Variants in DMD observed in about 807,000 individuals in gnomAD.
DMD encodes dystrophin, also known as mutant dystrophin.
In DMD, 63 loss-of-function variants were observed where a neutral mutation model predicts 330.1. That is an observed-to-expected ratio of 0.19 (90% CI 0.16 to 0.24). The LOEUF (loss-of-function observed/expected upper bound fraction) is 0.24. Ranked by LOEUF, DMD falls within the 10% of genes least tolerant of loss-of-function variation. The pLI is 1.00. For synonymous variants in DMD, 1,223 were observed against 959.8 expected, an observed-to-expected ratio of 1.27 and a Z score of -5.07; for missense variants, 3,344 against 2,684.1, an observed-to-expected ratio of 1.25 and a Z score of -5.43.
intron 21 of DMD, among the ~76,000 whole-genome samples, chrX:32,474,208 TACACACACACAC>T (rs3045001): frequency 3.1e-4 from 13 of 41,285 alleles, no homozygotes; most frequent in African/African-American, 4.5e-4. Context: ...CATACATACA[TACACACACACAC>T]ACACACACAC....
chrX:32,848,478 T>C (rs2080871306), intron 3 of DMD, among the ~76,000 whole-genome samples: 1 of 111,831 alleles, frequency 8.9e-6, no homozygotes, highest in East Asian at 2.8e-4. Context: ...TTAAATCTGA[T>C]TTTCCCCCTT....
intron 1 of DMD, among the ~76,000 whole-genome samples, chrX:33,093,894 C>T (rs939469871): frequency 9.0e-6 from 1 of 111,057 alleles, no homozygotes; most frequent in Non-Finnish European, 1.9e-5. Context: ...ATCAATGAAA[C>T]TTCAATATAT....
chrX:31,655,170 T>C (rs2080704797), intron 54 of DMD, among the ~76,000 whole-genome samples: 2 of 111,738 alleles, frequency 1.8e-5, no homozygotes, highest in Admixed American at 1.9e-4. Context: ...CAGTAGAATA[T>C]AAATAATTCC....
chrX:31,311,238 G>A (rs932128346), intron 62 of DMD, among the ~76,000 whole-genome samples: 26 of 109,601 alleles, frequency 2.4e-4, no homozygotes, highest in South Asian at 8.1e-4. Flanking sequence ...AGGATGAGAC[G>A]ATCTGTTCTG....
intron 29 of DMD, among the ~76,000 whole-genome samples, chrX:32,433,774 T>A (rs1331935117): frequency 1.8e-5 from 2 of 112,182 alleles, no homozygotes; most frequent in Admixed American, 9.4e-5. Flanking sequence ...AAAGGGTACC[T>A]GAGCCTCTGT....
chrX:31,718,429 T>C (rs895842813), intron 52 of DMD, among the ~76,000 whole-genome samples: 3 of 111,071 alleles, frequency 2.7e-5, no homozygotes, highest in African/African-American at 9.8e-5. Flanking sequence ...TAGTTGATTG[T>C]TATGGACTGA....
chrX:32,930,689 T>A (rs1468393821), intron 2 of DMD, among the ~76,000 whole-genome samples: 1 of 110,473 alleles, frequency 9.1e-6, no homozygotes, highest in African/African-American at 3.3e-5. Flanking sequence ...CCCTCCCTCC[T>A]GGAATGCAAC....
intron 44 of DMD, among the ~76,000 whole-genome samples, chrX:32,068,071 C>T (rs2096271686): frequency 9.0e-6 from 1 of 111,462 alleles, no homozygotes; most frequent in Non-Finnish European, 1.9e-5. Context: ...GATGGTATCT[C>T]CTTGCGGTTT....
intron 42 of DMD, among the ~76,000 whole-genome samples, chrX:32,306,725 C>T (rs2097541773): frequency 9.1e-6 from 1 of 110,165 alleles, no homozygotes. Context: ...TTACTTCCTC[C>T]CTTCCTTCCT....
At chrX:31,890,245 C>A (rs1458373) in intron 47 of DMD, among the ~76,000 whole-genome samples, 28,680 of 107,195 alleles carry the variant, frequency 0.27, 2,960 homozygotes, top group African/African-American at 0.29. Context: ...ATGGTGGTGC[C>A]TGCCTATAAT....
At chrX:31,257,482 G>C (rs889207070) in intron 63 of DMD, among the ~76,000 whole-genome samples, 2 of 111,111 alleles carry the variant, frequency 1.8e-5, no homozygotes, top group Non-Finnish European at 3.8e-5. Context: ...GAGCAATTTG[G>C]ACCTAAAGGG....
intron 60 of DMD, among the ~76,000 whole-genome samples, chrX:31,424,304 A>C (rs1171166011): frequency 1.8e-5 from 2 of 111,701 alleles, no homozygotes; most frequent in African/African-American, 6.5e-5. Context: ...TGCAATTCCC[A>C]TTTGCCCCAG....
At chrX:32,465,582 GTTTTTT>G (rs1191063866) in intron 23 of DMD, among the ~76,000 whole-genome samples, 36 of 76,646 alleles carry the variant, frequency 4.7e-4, no homozygotes, top group African/African-American at 1.8e-3. Context: ...TTTGTTTTTT[GTTTTTT>G]TTTTTTTTTT....
intron 30 of DMD, among the ~76,000 whole-genome samples, chrX:32,392,301 C>T (rs1267740205): frequency 9.0e-6 from 1 of 111,564 alleles, no homozygotes; most frequent in African/African-American, 3.3e-5. Flanking sequence ...CTCTGTCACC[C>T]AGGCTGGAAC....
At position 31,180,400 on chromosome X, in the gene DMD, C is replaced by T; in HGVS notation, c.10056G>A (p.Met3352Ile). 8.3e-7 allele frequency: 1 copy of T among 1,209,171 alleles called. No homozygotes were observed. The highest frequency in any genetic ancestry group is 1.1e-6 in the Non-Finnish European group (1 of 893,248). ...TGCAATATTCCACCATGGGATAGTGCATTTTATGGCCTTTTGCAACTCGAC... is the reference window on the plus strand; with the variant it reads ...TGCAATATTCCACCATGGGATAGTGTATTTTATGGCCTTTTGCAACTCGAC... ...FSGRVAKGHK[M>I]HYPMVEYCTP... Residue 3352 changes from methionine (M) to isoleucine (I), a missense_variant, in exon 69 of 79, where the codon ATG becomes ATA. Physicochemically the swap from Met to Ile is conservative, Grantham distance 10. Transcript: ENST00000357033.
chrX:32,833,713 A>C (rs1253385978), intron 4 of DMD, among the ~76,000 whole-genome samples: 1 of 105,984 alleles, frequency 9.4e-6, no homozygotes, highest in African/African-American at 3.4e-5. Context: ...AAAAAAAAGC[A>C]ATAGCTACAA....
At chrX:32,947,962 G>A (rs895886127) in intron 2 of DMD, among the ~76,000 whole-genome samples, 2 of 111,465 alleles carry the variant, frequency 1.8e-5, no homozygotes, top group African/African-American at 6.5e-5. Flanking sequence ...AAACTTATCT[G>A]TTATAAAACT....
At chrX:31,884,954 TTA>T (rs1161873140) in intron 47 of DMD, among the ~76,000 whole-genome samples, 1 of 111,415 alleles carries the variant, frequency 9.0e-6, no homozygotes. Context: ...AGAAAGAATA[TTA>T]TATGTTTTAT....
intron 45 of DMD, among the ~76,000 whole-genome samples, chrX:31,957,406 C>T (rs1351927089): frequency 9.0e-6 from 1 of 111,618 alleles, no homozygotes; most frequent in Non-Finnish European, 1.9e-5. Flanking sequence ...TTCACCTGAT[C>T]AGGGATAGTG....
Sources: gnomAD v4.1 joint callset for allele counts (sites outside exome capture counted in the v4.1 genomes callset) on GRCh38, gnomAD v4.1.1 for gene constraint, MANE v1.5 for transcripts, NCBI Gene and HGNC (gene_info 2026-07-23, HGNC 2026-07-21) for gene names.